The following SH3BGRL2 variants were observed in gnomAD, a reference collection of about 807,000 sequenced individuals.
SH3BGRL2 encodes the protein SH3 domain-binding glutamic acid-rich-like protein 2.
A neutral mutation model predicts 14.8 loss-of-function variants in SH3BGRL2; 21 were observed. The ratio of observed to expected loss-of-function variants is 1.42; its 90% CI spans 1.01 to 2.05. SH3BGRL2 has a LOEUF of 2.05. SH3BGRL2 is among the 30% of genes most tolerant of loss of function. SH3BGRL2 has a pLI of 0.00. For missense variants in SH3BGRL2, 147 were observed against 130.8 expected (o/e 1.12, Z -0.61); for synonymous variants, 50 against 47.8 (o/e 1.05, Z -0.19).
chr6:79,661,897 G>A (rs1468979879), intron 1 of SH3BGRL2, among the ~76,000 whole-genome samples: 1 of 152,084 alleles, frequency 6.6e-6, no homozygotes, highest in Non-Finnish European at 1.5e-5. Flanking sequence ...GGCCTTCTTT[G>A]TCTCTTTTGA....
the SH3BGRL2 span, among the ~76,000 whole-genome samples, chr6:79,581,800 G>C: frequency 3.9e-5 from 6 of 152,298 alleles, no homozygotes; most frequent in South Asian, 1.2e-3. Context: ...TCAGGCAAGA[G>C]AAAGAAATAA....
chr6:79,681,088 T>C lies in SH3BGRL2; in HGVS notation c.231+7289T>C, dbSNP rs373079806. Among the ~76,000 whole-genome samples the C allele has an allele frequency of 3.8e-4, 58 of 152,246 alleles. No individual in the cohort carries two copies. In the South Asian group the frequency reaches 0.012, roughly 30 times the overall value. ...TGGCTAATCAGATAGTCAAGACAGATTGGTGCAGTTTGACTGAGGATGCCA... is the reference window on the plus strand; with the variant it reads ...TGGCTAATCAGATAGTCAAGACAGACTGGTGCAGTTTGACTGAGGATGCCA... On this transcript the variant is annotated intron_variant, in intron 2 of 3. Transcript: ENST00000369838.
chr6:79,560,036 GAGA>G, the SH3BGRL2 span, among the ~76,000 whole-genome samples: 6 of 152,086 alleles, frequency 3.9e-5, no homozygotes, highest in South Asian at 2.1e-4. Context: ...AGAAGAGGAA[GAGA>G]AGAAGAAGAA....
chr6:79,665,231 T>G (rs142879622), intron 1 of SH3BGRL2, among the ~76,000 whole-genome samples: 1 of 152,046 alleles, frequency 6.6e-6, no homozygotes, highest in Admixed American at 6.6e-5. Context: ...ATTCAGCAAA[T>G]TTGAAACACC....
the SH3BGRL2 span, among the ~76,000 whole-genome samples, chr6:79,603,481 C>T: frequency 1.3e-5 from 2 of 152,250 alleles, no homozygotes; most frequent in African/African-American, 2.4e-5. Context: ...AGACTTCTCA[C>T]TTGCCAAAAA....
At chr6:79,599,625 G>A in the SH3BGRL2 span, among the ~76,000 whole-genome samples, 5,298 of 152,150 alleles carry the variant, frequency 0.035, 287 homozygotes, top group African/African-American at 0.12. Context: ...CCCTATACCA[G>A]CTCTTTTAAT....
chr6:79,561,995 AAGG>A, the SH3BGRL2 span, among the ~76,000 whole-genome samples: 1 of 152,238 alleles, frequency 6.6e-6, no homozygotes, highest in South Asian at 2.1e-4. Flanking sequence ...GATCAAGAGT[AAGG>A]AGAAGCTAGC....
At chr6:79,680,535 A>G (rs1582734862) in intron 2 of SH3BGRL2, among the ~76,000 whole-genome samples, 1 of 152,166 alleles carries the variant, frequency 6.6e-6, no homozygotes, top group Admixed American at 6.6e-5. Flanking sequence ...GTTCTTTTTC[A>G]AAATTGTTTT....
intron 1 of SH3BGRL2, among the ~76,000 whole-genome samples, chr6:79,633,864 A>G (rs960130489): frequency 6.6e-6 from 1 of 152,216 alleles, no homozygotes; most frequent in East Asian, 1.9e-4. Flanking sequence ...ATTTAGGTCA[A>G]TTCTTGGGCT....
At chr6:79,658,985 G>A (rs1172080329) in intron 1 of SH3BGRL2, among the ~76,000 whole-genome samples, 1 of 152,000 alleles carries the variant, frequency 6.6e-6, no homozygotes, top group African/African-American at 2.4e-5. Flanking sequence ...TTTTTGATGG[G>A]GTTGTTTTTT....
intron 2 of SH3BGRL2, among the ~76,000 whole-genome samples, chr6:79,679,893 T>A (rs1769956876): frequency 6.6e-6 from 1 of 152,210 alleles, no homozygotes; most frequent in Non-Finnish European, 1.5e-5. Context: ...GGAAGACGTA[T>A]CTATTCAGGT....
the SH3BGRL2 span, among the ~76,000 whole-genome samples, chr6:79,546,320 T>C: frequency 6.6e-6 from 1 of 152,190 alleles, no homozygotes; most frequent in Non-Finnish European, 1.5e-5. Context: ...CACTTCCTGC[T>C]TAGTGGGGTT....
chr6:79,543,465 A>G, the SH3BGRL2 span, among the ~76,000 whole-genome samples: 1 of 152,178 alleles, frequency 6.6e-6, no homozygotes, highest in Non-Finnish European at 1.5e-5. Flanking sequence ...AAAGGAAAAT[A>G]TTGCTGGTCT....
the SH3BGRL2 span, among the ~76,000 whole-genome samples, chr6:79,593,434 T>G: frequency 1.3e-5 from 2 of 152,160 alleles, no homozygotes; most frequent in Non-Finnish European, 2.9e-5. Flanking sequence ...TATTTTGAAA[T>G]TCTACCTTGA....
At chr6:79,620,324 GCCTGATTTC>G in the SH3BGRL2 span, among the ~76,000 whole-genome samples, 1 of 146,358 alleles carries the variant, frequency 6.8e-6, no homozygotes, top group Non-Finnish European at 1.5e-5. Flanking sequence ...TTTTTTTTTT[GCCTGATTTC>G]CTTCCGACCT....
the SH3BGRL2 span, among the ~76,000 whole-genome samples, chr6:79,605,256 C>T: frequency 7.2e-5 from 11 of 152,284 alleles, 2 homozygotes; most frequent in Admixed American, 6.5e-4. Context: ...TTGACAGCTC[C>T]GGGTGAGCCC....
chr6:79,556,411 A>G, the SH3BGRL2 span, among the ~76,000 whole-genome samples: 1 of 152,172 alleles, frequency 6.6e-6, no homozygotes, highest in Non-Finnish European at 1.5e-5. Context: ...CAAAAGTAGG[A>G]AAGTCTAACA....
chr6:79,692,450 G>A lies in SH3BGRL2; in HGVS notation c.232-4035G>A, dbSNP rs1367745364. On this transcript the variant is annotated intron_variant, in intron 2 of 3. Transcript: ENST00000369838. The stretch of plus-strand genomic sequence containing the variant: ...CTTGCCCATGCCTATGTCCTGAATG[G>A]TATTGCGTAGGTTTTCTTCTAGGGT... Among the ~76,000 whole-genome samples the A allele has an allele frequency of 2.6e-5, 4 of 152,274 alleles. 1 individual carries two copies. In the South Asian group the frequency reaches 8.3e-4, roughly 32 times the overall value.
the SH3BGRL2 span, among the ~76,000 whole-genome samples, chr6:79,604,698 T>C: frequency 6.6e-6 from 1 of 152,170 alleles, no homozygotes. Context: ...GTTGAGTGTG[T>C]TGGGGGCAGA....
Sources: gnomAD v4.1 joint callset for allele counts (sites outside exome capture counted in the v4.1 genomes callset) on GRCh38, gnomAD v4.1.1 for gene constraint, MANE v1.5 for transcripts, NCBI Gene and HGNC (gene_info 2026-07-23, HGNC 2026-07-21) for gene names.